The following PRKD1 variants were observed in gnomAD, a reference collection of about 807,000 sequenced individuals.
The protein encoded by PRKD1 is serine/threonine-protein kinase D1.
A neutral mutation model predicts 95.9 loss-of-function variants in PRKD1; 63 were observed. The ratio of observed to expected loss-of-function variants is 0.66; its 90% CI spans 0.54 to 0.81. PRKD1 has a LOEUF of 0.81. PRKD1 is among the 30% of genes least tolerant of loss of function. PRKD1 has a pLI of 0.00. For synonymous variants in PRKD1, 425 were observed against 423.1 expected (o/e 1.00, Z -0.05); for missense variants, 1,048 against 1,165.3 (o/e 0.90, Z 1.47).
chr14:29,805,907 A>C (rs1890213039), intron 1 of PRKD1, among the ~76,000 whole-genome samples: 1 of 152,206 alleles, frequency 6.6e-6, no homozygotes, highest in Admixed American at 6.6e-5. Context: ...AGAAAACTTA[A>C]GTTATGGCAA....
At chr14:29,734,448 C>A (rs1454606604) in intron 1 of PRKD1, among the ~76,000 whole-genome samples, 2 of 152,044 alleles carry the variant, frequency 1.3e-5, no homozygotes, top group East Asian at 1.9e-4. Flanking sequence ...CTTGGCAGAA[C>A]ATTAAGTTAA....
chr14:29,874,800 GATAGAAA>G (rs1447689146), intron 1 of PRKD1, among the ~76,000 whole-genome samples: 1 of 152,156 alleles, frequency 6.6e-6, no homozygotes, highest in East Asian at 1.9e-4. Flanking sequence ...ATCACAGGGA[GATAGAAA>G]ATAGAATGAC....
intron 13 of PRKD1, among the ~76,000 whole-genome samples, chr14:29,605,772 C>G (rs192957543): frequency 3.8e-4 from 58 of 152,306 alleles, no homozygotes; most frequent in African/African-American, 1.3e-3. Context: ...AGAGTCTCTA[C>G]GTCTCCTTAC....
At chr14:29,739,540 A>G (rs1259480703) in intron 1 of PRKD1, among the ~76,000 whole-genome samples, 1 of 152,236 alleles carries the variant, frequency 6.6e-6, no homozygotes, top group Non-Finnish European at 1.5e-5. Flanking sequence ...GAATATATCT[A>G]ATTAAAGAAA....
intron 13 of PRKD1, among the ~76,000 whole-genome samples, chr14:29,622,251 G>A (rs1879313872): frequency 6.6e-6 from 1 of 152,056 alleles, no homozygotes; most frequent in Admixed American, 6.6e-5. Context: ...ACCTCCTGTT[G>A]TTCGGCCCAG....
intron 2 of PRKD1, among the ~76,000 whole-genome samples, chr14:29,714,908 T>C (rs1295107901): frequency 1.3e-5 from 2 of 151,956 alleles, no homozygotes; most frequent in African/African-American, 2.4e-5. Context: ...AGTTGAACAG[T>C]GAGAACACAT....
chr14:29,772,146 G>C (rs1196103063), intron 1 of PRKD1, among the ~76,000 whole-genome samples: 1 of 152,144 alleles, frequency 6.6e-6, no homozygotes, highest in Non-Finnish European at 1.5e-5. Context: ...TATTGGGATG[G>C]AATCAATGTA....
At chr14:29,726,767 C>G (rs1236018399) in intron 1 of PRKD1, among the ~76,000 whole-genome samples, 1 of 150,976 alleles carries the variant, frequency 6.6e-6, no homozygotes, top group African/African-American at 2.4e-5. Context: ...CTGCATGTCA[C>G]TTAGTAAAGT....
intron 3 of PRKD1, 104 bp from the exon 4 acceptor site, chr14:29,663,963 T>C (rs918678321): frequency 3.5e-6 from 4 of 1,152,890 alleles, no homozygotes; most frequent in Non-Finnish European, 4.8e-6. Context: ...GCTTCCATTT[T>C]CCTTGAGAGT....
At chr14:29,745,880 G>C (rs73259523) in intron 1 of PRKD1, among the ~76,000 whole-genome samples, 55 of 152,244 alleles carry the variant, frequency 3.6e-4, no homozygotes, top group African/African-American at 1.2e-3. Flanking sequence ...TAAGAAAATG[G>C]TATCTAACTA....
chr14:29,885,921 C>T (rs1351563684), intron 1 of PRKD1, among the ~76,000 whole-genome samples: 1 of 151,134 alleles, frequency 6.6e-6, no homozygotes, highest in African/African-American at 2.4e-5. Context: ...GAGCTAAGAT[C>T]GTACCACCAT....
intron 1 of PRKD1, among the ~76,000 whole-genome samples, chr14:29,808,823 G>T (rs1488598368): frequency 6.6e-6 from 1 of 152,130 alleles, no homozygotes; most frequent in Non-Finnish European, 1.5e-5. Flanking sequence ...TCCTCTTATT[G>T]TTACGGTTTT....
In PRKD1 at chr14:29,598,112, C is replaced by CA. The variant is rs1893377443; in HGVS notation, c.2167-355dup. 2.0e-5 allele frequency among the ~76,000 whole-genome samples: 3 copies of CA among 151,604 alleles called. No homozygotes were observed. In the South Asian group the frequency reaches 6.3e-4, roughly 32 times the overall value. ...GCACATAGTGAGACCCCCATCTCTA[C>CA]AAAAAATTAAAAAATTAGCCCGGCG... On this transcript the variant is annotated intron_variant, in intron 15 of 17. Transcript: ENST00000331968.
At chr14:29,869,220 A>G (rs1292905242) in intron 1 of PRKD1, among the ~76,000 whole-genome samples, 2 of 152,128 alleles carry the variant, frequency 1.3e-5, no homozygotes, top group African/African-American at 4.8e-5. Context: ...AGGAGGATGG[A>G]TCACCTGAGA....
At chr14:29,904,503 T>A (rs1894428435) in intron 1 of PRKD1, among the ~76,000 whole-genome samples, 1 of 152,212 alleles carries the variant, frequency 6.6e-6, no homozygotes, top group Non-Finnish European at 1.5e-5. Flanking sequence ...AATGTCTAGG[T>A]AGGACCCTTA....
intron 1 of PRKD1, among the ~76,000 whole-genome samples, chr14:29,808,415 T>TTTTG (rs1890335906): frequency 2.3e-5 from 3 of 131,988 alleles, no homozygotes; most frequent in Non-Finnish European, 3.2e-5. Context: ...TTTTTTTTTT[T>TTTTG]GAGATGGGAG....
At chr14:29,716,803 T>C (rs968749890) in intron 2 of PRKD1, among the ~76,000 whole-genome samples, 2 of 152,200 alleles carry the variant, frequency 1.3e-5, no homozygotes, top group African/African-American at 4.8e-5. Context: ...TGGGGTTATT[T>C]GGTCATGGTG....
At chr14:29,632,783 G>C in intron 9 of PRKD1, 86 bp downstream of exon 9, 1 of 1,221,082 alleles carries the variant, frequency 8.2e-7, no homozygotes. Flanking sequence ...CACGTTTGTT[G>C]GATGTATTTC....
intron 1 of PRKD1, among the ~76,000 whole-genome samples, chr14:29,738,838 T>C (rs1212792116): frequency 6.8e-6 from 1 of 146,172 alleles, no homozygotes; most frequent in African/African-American, 2.5e-5. Context: ...TTTTCTTTTT[T>C]TTTTTTTGGA....
Sources: gnomAD v4.1 joint callset for allele counts (sites outside exome capture counted in the v4.1 genomes callset) on GRCh38, gnomAD v4.1.1 for gene constraint, MANE v1.5 for transcripts, NCBI Gene and HGNC (gene_info 2026-07-23, HGNC 2026-07-21) for gene names.